Variants in RERE observed in about 807,000 individuals in gnomAD.
RERE encodes the protein arginine-glutamic acid dipeptide repeats.
Under a neutral mutation model 146.1 loss-of-function variants are expected in RERE, and 40 were observed. The ratio of observed to expected loss-of-function variants is 0.27; its 90% confidence interval spans 0.21 to 0.36. The LOEUF (loss-of-function observed/expected upper bound fraction) is 0.36. Ranked by LOEUF, RERE falls within the 10% of genes least tolerant of loss-of-function variation. The probability of loss-of-function intolerance (pLI) is 1.00; values close to 1 mark genes in which losing one functional copy is unlikely to be tolerated. For missense variants in RERE, 1,933 were observed against 2,138.7 expected, an observed-to-expected ratio of 0.90 and a Z score of 1.90; for synonymous variants, 1,003 against 866.0, an observed-to-expected ratio of 1.16 and a Z score of -2.78.
chr1:8,403,100 T>C (rs1643318516), intron 12 of RERE, among the ~76,000 whole-genome samples: 1 of 152,034 alleles, frequency 6.6e-6, no homozygotes, highest in Non-Finnish European at 1.5e-5. Context: ...GGTTTCACCA[T>C]GTTGGCCTGG....
At chr1:8,805,008 GT>G (rs1186832596) in intron 1 of RERE, among the ~76,000 whole-genome samples, 16 of 77,862 alleles carry the variant, frequency 2.1e-4, no homozygotes, top group East Asian at 6.7e-4. Flanking sequence ...TTTGTTTTTG[GT>G]TTTTTTTTTT....
Position 8,633,364 on chromosome 1 carries a change from A to C in RERE, c.326-8984T>G, listed in dbSNP as rs554400667. ...CTTAAGCCCAGGAGGTTGAGGCTGC[A>C]GTGAGCTATAATAGCACCACTGCGT... On this transcript the variant is annotated intron_variant, in intron 2 of 22. Coordinates refer to ENST00000400908, the MANE Select transcript of RERE (RefSeq NM_001042681.2). Among the ~76,000 whole-genome samples the C allele has an allele frequency of 2.0e-5, 3 of 152,192 alleles. No individual in the cohort carries two copies. The South Asian group carries it at 6.2e-4, about 32-fold the overall frequency.
At chr1:8,746,904 G>A (rs1168390673) in intron 1 of RERE, among the ~76,000 whole-genome samples, 1 of 150,710 alleles carries the variant, frequency 6.6e-6, no homozygotes, top group African/African-American at 2.4e-5. Flanking sequence ...GAGAGAAAGG[G>A]AGAGGGAGAG....
chr1:8,766,703 G>T (rs1640856893), intron 1 of RERE, among the ~76,000 whole-genome samples: 2 of 152,048 alleles, frequency 1.3e-5, no homozygotes, highest in African/African-American at 4.8e-5. Context: ...ACAGCCCAGG[G>T]TTACTTACTT....
intron 7 of RERE, among the ~76,000 whole-genome samples, chr1:8,520,754 T>TTA (rs1557670056): frequency 1.1e-5 from 1 of 92,976 alleles, no homozygotes; most frequent in African/African-American, 4.1e-5. Context: ...AAAAACTTTT[T>TTA]AAAAAAAAAA....
chr1:8,483,165 A>G (rs371021816), intron 10 of RERE, among the ~76,000 whole-genome samples: 2 of 152,248 alleles, frequency 1.3e-5, no homozygotes, highest in East Asian at 1.9e-4. Flanking sequence ...CAACAAATAA[A>G]AAATCCTGAA....
At chr1:8,394,588 C>T (rs1557608158) in intron 12 of RERE, among the ~76,000 whole-genome samples, 2 of 152,138 alleles carry the variant, frequency 1.3e-5, no homozygotes, top group African/African-American at 4.8e-5. Context: ...AAGAAAGGAG[C>T]TACTGCAGAG....
At position 8,715,163 on chromosome 1, in the gene RERE, C is replaced by T. The variant is rs192456931; in HGVS notation, c.-144-58722G>A. Among the ~76,000 whole-genome samples, 487 of 151,942 alleles carry T rather than the reference C, an allele frequency of 3.2e-3. 1 individual carries two copies. The highest frequency in any genetic ancestry group is 0.011 in the African/African-American group (459 of 41,470). On this transcript the variant is annotated intron_variant, in intron 1 of 22. Coordinates refer to ENST00000400908, the MANE Select transcript of RERE (RefSeq NM_001042681.2). ...CCGGGATTACAGTCGTGAGCCACCA[C>T]GCCCAGCCCACAATATTTGTTTTAA...
In RERE at chr1:8,692,596, G is replaced by A. The variant is rs925218379; in HGVS notation, c.-144-36155C>T. Among the ~76,000 whole-genome samples the A allele has an allele frequency of 4.6e-5, 7 of 152,024 alleles. No homozygotes were observed. The East Asian group carries it at 7.7e-4, about 17-fold the overall frequency. On this transcript the variant is annotated intron_variant, in intron 1 of 22. Coordinates refer to ENST00000400908, the MANE Select transcript of RERE (RefSeq NM_001042681.2). ...ACTCCTGATCTCAAGTGATCTGCCC[G>A]TCTAGGCCTCCCAAAGTGCTGGGAT...
Position 8,423,487 on chromosome 1 carries a change from T to G in RERE, c.1204-680A>C. The G allele has an allele frequency of 8.3e-6, 8 of 958,664 alleles. No homozygotes were observed. The highest frequency in any genetic ancestry group is 9.9e-6 in the Non-Finnish European group (8 of 805,594). The allele number at this position is 958,664 out of a possible 1,614,324, so 59.4% of individuals were successfully genotyped here. On this transcript the variant is annotated intron_variant, in intron 11 of 22. Coordinates refer to ENST00000400908, the MANE Select transcript of RERE (RefSeq NM_001042681.2). This position sits in a 1 kb window ranked among gnomAD's most constrained non-coding sequence, Gnocchi z 5.4. ...TCGTCCCTAACCCCAGCCCGGAGAC[T>G]TTCACTTTGTCCCATGCCTCCCGAG...
chr1:8,620,042 T>C (rs963934774), intron 3 of RERE, among the ~76,000 whole-genome samples: 1 of 152,312 alleles, frequency 6.6e-6, no homozygotes, highest in Non-Finnish European at 1.5e-5. Context: ...GCTCAAAACA[T>C]TTCTATTTGC....
intron 11 of RERE, among the ~76,000 whole-genome samples, chr1:8,451,542 A>T (rs538341720): frequency 7.9e-5 from 12 of 152,174 alleles, no homozygotes; most frequent in Non-Finnish European, 1.3e-4. Flanking sequence ...ACATCCTGGG[A>T]CACTGGAAAC....
At chr1:8,450,754 C>T (rs1290168793) in intron 11 of RERE, among the ~76,000 whole-genome samples, 2 of 152,206 alleles carry the variant, frequency 1.3e-5, no homozygotes, top group African/African-American at 4.8e-5. Flanking sequence ...GTTCCCCCAT[C>T]ACAGTGTCAA....
intron 2 of RERE, among the ~76,000 whole-genome samples, chr1:8,654,326 G>A (rs913001027): frequency 1.3e-5 from 2 of 151,894 alleles, no homozygotes; most frequent in Admixed American, 6.6e-5. Context: ...ATGAGCCACC[G>A]TGCCCAGCCC....
At chr1:8,698,356 C>T (rs939205695) in intron 1 of RERE, among the ~76,000 whole-genome samples, 3 of 152,198 alleles carry the variant, frequency 2.0e-5, no homozygotes, top group Non-Finnish European at 2.9e-5. Context: ...CTGAATATAC[C>T]ACTGTTTCTA....
Position 8,355,515 on chromosome 1 carries a change from G to A in RERE, c.4571C>T (p.Ser1524Leu), listed in dbSNP as rs1641253525. 6.2e-7 allele frequency: 1 copy of A among 1,611,816 alleles called. No individual in the cohort carries two copies. The highest frequency in any genetic ancestry group is 8.5e-7 in the Non-Finnish European group (1 of 1,179,534). Residue 1524 changes from serine to leucine, a missense_variant, in exon 22 of 23, where the codon TCG (serine) becomes TTG (leucine). Around this residue, in one of 11 missense-constraint regions of RERE, gnomAD observed 133 missense variants for 168.6 expected, o/e 0.79. Coordinates refer to ENST00000400908, the MANE Select transcript of RERE (RefSeq NM_001042681.2). ...CATGGCCAGTCTCTGCAGCTCGGCC[G>A]ACTGGGCATGCATGGCCTGCAGCTG... Reference protein sequence around the residue: ...AHQLQAMHAQSAELQRLAMEQ... With the variant: ...AHQLQAMHAQLAELQRLAMEQ...
At chr1:8,770,816 A>C (rs888603858) in intron 1 of RERE, among the ~76,000 whole-genome samples, 3 of 152,266 alleles carry the variant, frequency 2.0e-5, no homozygotes. Flanking sequence ...GGTTTATGAA[A>C]AGATATTGAC....
chr1:8,655,405 T>C (rs1214484850), intron 2 of RERE, among the ~76,000 whole-genome samples: 5 of 151,838 alleles, frequency 3.3e-5, no homozygotes, highest in Non-Finnish European at 7.4e-5. Context: ...CAGGGTTTCA[T>C]CATGTTGGTC....
At chr1:8,775,205 T>C (rs1641042329) in intron 1 of RERE, among the ~76,000 whole-genome samples, 1 of 151,932 alleles carries the variant, frequency 6.6e-6, no homozygotes, top group African/African-American at 2.4e-5. Flanking sequence ...GTGATCCACC[T>C]GCCTCAGCCT....
Sources: gnomAD v4.1 joint callset for allele counts (sites outside exome capture counted in the v4.1 genomes callset) on GRCh38, gnomAD v4.1.1 for gene constraint, gnomAD v4.1.1 regional missense constraint, Gnocchi (gnomAD v3.1) non-coding constraint, MANE v1.5 for transcripts, NCBI Gene and HGNC (gene_info 2026-07-23, HGNC 2026-07-21) for gene names.